Variants in DNAJC12 observed in about 807,000 individuals in gnomAD.
DNAJC12 encodes DnaJ heat shock protein family (Hsp40) member C12.
A neutral mutation model predicts 28.5 loss-of-function variants in DNAJC12; 25 were observed. The observed-to-expected ratio is 0.88, with a 90% CI of 0.64 to 1.22. The LOEUF is 1.22. Among genes scored for constraint, DNAJC12 ranks in the 50% most tolerant of loss-of-function variants. The pLI is 0.00. For missense variants in DNAJC12, 222 were observed against 231.7 expected (o/e 0.96, Z 0.27); for synonymous variants, 77 against 80.6 (o/e 0.95, Z 0.24).
At chr10:67,810,084 TG>T (rs1841844246) in intron 3 of DNAJC12, among the ~76,000 whole-genome samples, 1 of 152,114 alleles carries the variant, frequency 6.6e-6, no homozygotes, top group Admixed American at 6.6e-5. Context: ...AAAGCATGAC[TG>T]GGAGGCCTCA....
chr10:67,798,168 T>A (rs907695458), intron 4 of DNAJC12, among the ~76,000 whole-genome samples: 2 of 152,090 alleles, frequency 1.3e-5, no homozygotes, highest in Non-Finnish European at 2.9e-5. Flanking sequence ...ATACCATTTA[T>A]AAATTTTTTT....
chr10:67,824,470 T>C (rs1842010698), intron 1 of DNAJC12, among the ~76,000 whole-genome samples: 1 of 151,882 alleles, frequency 6.6e-6, no homozygotes, highest in African/African-American at 2.4e-5. Context: ...AAGAACATAA[T>C]TCAAACCTGA....
At position 67,838,178 on chromosome 10, in the gene DNAJC12, T is replaced by C; in HGVS notation, c.-167A>G. On this transcript the variant is annotated 5_prime_UTR_variant, in exon 1 of 5. Transcript: ENST00000225171. ...ATACACCAGATGTCATCCTAGACCT[T>C]TGTAAACTCTGCCTCTCATTGGCTG... 2 of 504,532 alleles carry C rather than the reference T, an allele frequency of 4.0e-6. No homozygotes were observed. Among genetic ancestry groups the C allele is most frequent in the Non-Finnish European group, 3.5e-6 (1 of 286,614 alleles). The allele number at this position is 504,532 out of a possible 1,614,324, so 31.3% of individuals were successfully genotyped here.
At chr10:67,814,088 A>G (rs36027225) in intron 2 of DNAJC12, among the ~76,000 whole-genome samples, 9,285 of 151,898 alleles carry the variant, frequency 0.061, 323 homozygotes, top group East Asian at 0.11. Context: ...GAGAATTCAC[A>G]CTTCTGAATT....
chr10:67,820,838 C>A (rs1227674064), intron 2 of DNAJC12, among the ~76,000 whole-genome samples: 1 of 124,614 alleles, frequency 8.0e-6, no homozygotes, highest in Admixed American at 1.1e-4. Flanking sequence ...GGCTAGAGTG[C>A]AATGGCGCAA....
chr10:67,827,243 T>C (rs1289801808), intron 1 of DNAJC12, among the ~76,000 whole-genome samples: 1 of 149,832 alleles, frequency 6.7e-6, no homozygotes, highest in Admixed American at 6.7e-5. Flanking sequence ...AAAAATTAGG[T>C]GGGCATGATG....
At chr10:67,834,707 A>G (rs1183200793) in intron 1 of DNAJC12, among the ~76,000 whole-genome samples, 1 of 152,134 alleles carries the variant, frequency 6.6e-6, no homozygotes, top group African/African-American at 2.4e-5. Context: ...TGCACGTATA[A>G]TCCCTGCTAC....
chr10:67,806,502 A>G (rs1335351203), intron 3 of DNAJC12, among the ~76,000 whole-genome samples: 1 of 152,166 alleles, frequency 6.6e-6, no homozygotes, highest in Non-Finnish European at 1.5e-5. Context: ...TGCCACCAAT[A>G]AATGTAACCA....
At chr10:67,832,950 T>C (rs923799444) in intron 1 of DNAJC12, among the ~76,000 whole-genome samples, 5 of 152,184 alleles carry the variant, frequency 3.3e-5, no homozygotes, top group Non-Finnish European at 7.4e-5. Context: ...TGAGGAGTTC[T>C]TTCCAAAAAT....
At chr10:67,824,170 A>T (rs1842007404) in intron 1 of DNAJC12, among the ~76,000 whole-genome samples, 1 of 151,104 alleles carries the variant, frequency 6.6e-6, no homozygotes, top group South Asian at 2.1e-4. Context: ...TGGGAGGCAG[A>T]GGTTGCAGTG....
intron 1 of DNAJC12, among the ~76,000 whole-genome samples, chr10:67,834,577 C>T (rs1332903469): frequency 1.3e-5 from 2 of 152,274 alleles, no homozygotes; most frequent in African/African-American, 4.8e-5. Context: ...GCCTGTAATC[C>T]CAACACTTTG....
chr10:67,822,477 A>G (rs908107537), intron 2 of DNAJC12, among the ~76,000 whole-genome samples: 1 of 152,064 alleles, frequency 6.6e-6, no homozygotes, highest in African/African-American at 2.4e-5. Flanking sequence ...AGAGACATCA[A>G]CTGTGGACTT....
intron 3 of DNAJC12, chr10:67,811,258 C>T (rs760100027): frequency 1.6e-6 from 2 of 1,213,890 alleles, no homozygotes; most frequent in Non-Finnish European, 2.1e-6. Flanking sequence ...AAATAGTAAG[C>T]AATAACAGGG....
chr10:67,828,567 T>C (rs1008670595), intron 1 of DNAJC12, among the ~76,000 whole-genome samples: 14 of 152,176 alleles, frequency 9.2e-5, no homozygotes, highest in African/African-American at 3.4e-4. Context: ...GTGCTGTCTT[T>C]AACCATCAGT....
rs200656270 is a variant in DNAJC12 at position 67,826,977 on chromosome 10, T to TTA, written c.79-3587_79-3586dup. ...CATGATTTATATATATCATGATATA[T>TTA]TATATATATATCTCTTAGGGCTTTT... On this transcript the variant is annotated intron_variant, in intron 1 of 4. Transcript: ENST00000225171. 6.3e-3 allele frequency among the ~76,000 whole-genome samples: 886 copies of TTA among 139,612 alleles called. 11 individuals are homozygous for TTA. The highest frequency in any genetic ancestry group is 0.021 in the African/African-American group (807 of 38,490). 91.6% of individuals were successfully genotyped at this position (139,612 alleles called of 152,430 possible).
chr10:67,797,193 C>T lies in DNAJC12; in HGVS notation c.520G>A (p.Gly174Ser). 6.2e-7 allele frequency: 1 copy of T among 1,613,628 alleles called. No individual in the cohort carries two copies. The change falls in exon 5 of 5, where the codon GGT becomes AGT. Residue 174 changes from glycine to serine, a missense_variant. Coordinates refer to ENST00000225171, the MANE Select transcript of DNAJC12 (RefSeq NM_021800.3). ...SDSSGFADVNGWHLRFRWSKD... is the reference protein window; with the variant it reads ...SDSSGFADVNSWHLRFRWSKD... The stretch of plus-strand genomic sequence containing the variant: ...GACCAGCGGAAACGAAGGTGCCAAC[C>T]ATTCACATCTGCAAAACCTTTAAAG...
chr10:67,826,275 C>T (rs544672846), intron 1 of DNAJC12, among the ~76,000 whole-genome samples: 165 of 151,364 alleles, frequency 1.1e-3, no homozygotes, highest in African/African-American at 3.7e-3. Context: ...GCTAGGACTA[C>T]AGACACAGGC....
chr10:67,819,512 G>A (rs1290372753), intron 2 of DNAJC12, among the ~76,000 whole-genome samples: 1 of 151,098 alleles, frequency 6.6e-6, no homozygotes, highest in Non-Finnish European at 1.5e-5. Context: ...GATGGCGCAC[G>A]CCTGTAATCC....
At chr10:67,836,186 C>T (rs1389039979) in intron 1 of DNAJC12, among the ~76,000 whole-genome samples, 1 of 149,254 alleles carries the variant, frequency 6.7e-6, no homozygotes, top group African/African-American at 2.5e-5. Context: ...CATCACACAC[C>T]GGGGCCTGTC....
Sources: allele counts gnomAD v4.1 joint callset (sites outside exome capture counted in the v4.1 genomes callset), GRCh38; gene constraint gnomAD v4.1.1; transcripts MANE v1.5; gene names NCBI Gene and HGNC (gene_info 2026-07-23, HGNC 2026-07-21).